Variants in CDH13 observed in about 807,000 individuals in gnomAD.
The protein encoded by CDH13 is cadherin 13.
A neutral mutation model predicts 63.8 loss-of-function variants in CDH13; 24 were observed. The ratio of observed to expected loss-of-function variants is 0.38; its 90% CI spans 0.27 to 0.53. The LOEUF is 0.53. Ranked by LOEUF, CDH13 falls within the 20% of genes least tolerant of loss-of-function variation. The pLI is 0.85. For synonymous variants in CDH13, 503 were observed against 355.3 expected (o/e 1.42, Z -4.67); for missense variants, 1,049 against 903.1 (o/e 1.16, Z -2.07).
Position 83,254,742 on chromosome 16 carries a change from T to A in CDH13, c.636+37245T>A, listed in dbSNP as rs11867134. The stretch of plus-strand genomic sequence containing the variant: ...TAATTCTCCAGGATTTTGCTTAGCT[T>A]TACTGTGCTGCTTCCAATTTCAGAC... On this transcript the variant is annotated intron_variant, in intron 5 of 13. Transcript: ENST00000567109. Among the ~76,000 whole-genome samples the A allele has an allele frequency of 9.8e-3, 1,490 of 152,272 alleles. 25 individuals carry two copies. Among genetic ancestry groups the A allele is most frequent in the African/African-American group, 0.034 (1,431 of 41,548 alleles).
At chr16:82,961,988 C>T (rs570894602) in intron 2 of CDH13, among the ~76,000 whole-genome samples, 22 of 152,258 alleles carry the variant, frequency 1.4e-4, no homozygotes, top group African/African-American at 4.8e-4. Flanking sequence ...CCATGGGAAA[C>T]ACCAGTTACC....
chr16:82,638,250 C>T (rs1417653011), intron 1 of CDH13, among the ~76,000 whole-genome samples: 5 of 151,812 alleles, frequency 3.3e-5, no homozygotes, highest in African/African-American at 1.2e-4. Context: ...GAATTAGAGC[C>T]TGGGGCTGGC....
chr16:83,178,339 G>C (rs1005559014), intron 4 of CDH13, among the ~76,000 whole-genome samples: 10 of 152,006 alleles, frequency 6.6e-5, no homozygotes, highest in Admixed American at 6.6e-4. Flanking sequence ...TCCAAGCAGG[G>C]AAAACTCCCC....
intron 2 of CDH13, chr16:82,859,345 G>T (rs1259061752): frequency 6.6e-6 from 1 of 152,370 alleles, no homozygotes; most frequent in African/African-American, 2.4e-5. Context: ...ATGGCTTGAG[G>T]CCAGAAGTTC....
chr16:82,879,922 T>G (rs1277243925), intron 2 of CDH13, among the ~76,000 whole-genome samples: 2 of 137,708 alleles, frequency 1.5e-5, no homozygotes, highest in Non-Finnish European at 3.0e-5. Flanking sequence ...ATTTAGATAT[T>G]ATAGAAATAT....
chr16:82,794,356 C>G (rs1303361542), intron 1 of CDH13, among the ~76,000 whole-genome samples: 1 of 149,194 alleles, frequency 6.7e-6, no homozygotes, highest in East Asian at 1.9e-4. Flanking sequence ...GTCTTAAGAA[C>G]ACTTTAAATC....
intron 7 of CDH13, among the ~76,000 whole-genome samples, chr16:83,523,310 G>T (rs1222725271): frequency 2.0e-5 from 3 of 152,222 alleles, no homozygotes; most frequent in Admixed American, 6.5e-5. Context: ...TGAGTGCATG[G>T]ATGGAAGAAA....
At chr16:83,522,714 G>C (rs145016602) in intron 7 of CDH13, among the ~76,000 whole-genome samples, 16 of 152,216 alleles carry the variant, frequency 1.1e-4, no homozygotes, top group Non-Finnish European at 1.6e-4. Flanking sequence ...GCCCTGTCGG[G>C]GTCTGGCCAT....
intron 2 of CDH13, among the ~76,000 whole-genome samples, chr16:83,014,319 TA>T (rs34322579): frequency 0.18 from 12,352 of 67,728 alleles, 551 homozygotes; most frequent in African/African-American, 0.23. Context: ...CCCAAATCGA[TA>T]AAAAAAAAAA....
At chr16:83,046,646 C>T (rs111586255) in intron 3 of CDH13, among the ~76,000 whole-genome samples, 2,760 of 152,170 alleles carry the variant, frequency 0.018, 60 homozygotes, top group African/African-American at 0.054. Context: ...CAGGTGCTTC[C>T]CTAGGGGAAG....
intron 1 of CDH13, among the ~76,000 whole-genome samples, chr16:82,723,895 A>AT (rs2032935993): frequency 6.6e-6 from 1 of 152,000 alleles, no homozygotes; most frequent in African/African-American, 2.4e-5. Flanking sequence ...CTTACCTGTT[A>AT]TTTTTTCTAT....
At chr16:83,512,372 A>C (rs1249675451) in intron 7 of CDH13, among the ~76,000 whole-genome samples, 2 of 134,638 alleles carry the variant, frequency 1.5e-5, no homozygotes, top group African/African-American at 5.4e-5. Flanking sequence ...AAATAAATAA[A>C]ATAAAAATAA....
chr16:83,286,821 CATCTATCT>C (rs981139906), intron 5 of CDH13, among the ~76,000 whole-genome samples: 1 of 149,902 alleles, frequency 6.7e-6, no homozygotes, highest in African/African-American at 2.5e-5. Context: ...AATATATTTA[CATCTATCT>C]ATCTATCTAT....
chr16:82,794,812 G>A (rs1361797306), intron 1 of CDH13, among the ~76,000 whole-genome samples: 1 of 152,030 alleles, frequency 6.6e-6, no homozygotes, highest in African/African-American at 2.4e-5. Flanking sequence ...TTCCTACTTT[G>A]GTTCCTTGGA....
At chr16:82,711,790 C>T (rs1288076815) in intron 1 of CDH13, among the ~76,000 whole-genome samples, 7 of 152,200 alleles carry the variant, frequency 4.6e-5, no homozygotes, top group Admixed American at 1.3e-4. Context: ...TAAGGACAAC[C>T]GGTGATGCCG....
intron 10 of CDH13, 55 bp downstream of exon 10, chr16:83,678,516 T>C: frequency 6.2e-7 from 1 of 1,601,366 alleles, no homozygotes; most frequent in Middle Eastern, 1.7e-4. Flanking sequence ...TGGCTTTTCC[T>C]TTCCAGTCGC....
chr16:83,586,452 T>G lies in CDH13; in HGVS notation c.961-16002T>G, dbSNP rs543703263. Among the ~76,000 whole-genome samples, 4 of 152,318 alleles carry G rather than the reference T, an allele frequency of 2.6e-5. No homozygotes were observed. The South Asian group carries it at 8.3e-4, about 32-fold the overall frequency. On this transcript the variant is annotated intron_variant, in intron 7 of 13. Coordinates refer to ENST00000567109, the MANE Select transcript of CDH13 (RefSeq NM_001257.5). ...CCAAGGGCTTGTTTATGGGTTTTAT[T>G]ATTGGCGAAGAAGAGCACACTTGTC...
chr16:82,760,821 G>A (rs543350663), intron 1 of CDH13, among the ~76,000 whole-genome samples: 1 of 151,990 alleles, frequency 6.6e-6, no homozygotes, highest in East Asian at 1.9e-4. Flanking sequence ...CATGTCACAT[G>A]GTGAGAGAGA....
Position 83,450,893 on chromosome 16 carries a change from G to C in CDH13, c.782-35584G>C, listed in dbSNP as rs548063917. Among the ~76,000 whole-genome samples the C allele has an allele frequency of 5.6e-4, 85 of 152,114 alleles. No homozygotes were observed. The South Asian group carries it at 0.015, about 27-fold the overall frequency. On this transcript the variant is annotated intron_variant, in intron 6 of 13. Transcript: ENST00000567109. ...TCACAGAGAAAAAAAAATTGATAAA[G>C]AGAGTTCATGATGTAAAACAGTAGT...
Sources: allele counts gnomAD v4.1 joint callset (sites outside exome capture counted in the v4.1 genomes callset), GRCh38; gene constraint gnomAD v4.1.1; transcripts MANE v1.5; gene names NCBI Gene and HGNC (gene_info 2026-07-23, HGNC 2026-07-21).